KIF1B: variants seen among roughly 807,000 people sequenced by gnomAD.
The protein encoded by KIF1B is kinesin-like protein KIF1B.
Under a neutral mutation model 241.9 loss-of-function variants are expected in KIF1B, and 76 were observed. The ratio of observed to expected loss-of-function variants is 0.31; its 90% confidence interval spans 0.26 to 0.38. The LOEUF (loss-of-function observed/expected upper bound fraction) is 0.38, where lower values mean the gene tolerates loss of function less well. Ranked by LOEUF, KIF1B falls within the 10% of genes least tolerant of loss-of-function variation. The pLI is 1.00. For synonymous variants in KIF1B, 750 were observed against 796.7 expected (o/e 0.94, Z 0.99); for missense variants, 1,622 against 2,271.4 (o/e 0.71, Z 5.81).
At chr1:10,255,871 C>A (rs1647746290) in intron 2 of KIF1B, among the ~76,000 whole-genome samples, 1 of 152,072 alleles carries the variant, frequency 6.6e-6, no homozygotes, top group Non-Finnish European at 1.5e-5. Flanking sequence ...CTAACTACAT[C>A]CTCAAACCTC....
chr1:10,317,556 G>A (rs1459137281), intron 22 of KIF1B, among the ~76,000 whole-genome samples: 1 of 151,386 alleles, frequency 6.6e-6, no homozygotes, highest in Admixed American at 6.6e-5. Flanking sequence ...CTGAGGCCAG[G>A]CGCACTGGCT....
intron 22 of KIF1B, among the ~76,000 whole-genome samples, chr1:10,319,718 G>A (rs1364443053): frequency 6.6e-6 from 1 of 152,022 alleles, no homozygotes; most frequent in Admixed American, 6.6e-5. Context: ...TAACGCTTAA[G>A]GTATACACGT....
chr1:10,333,811 T>A (rs1319636188), intron 27 of KIF1B, among the ~76,000 whole-genome samples: 2 of 151,978 alleles, frequency 1.3e-5, no homozygotes, highest in Admixed American at 1.3e-4. Flanking sequence ...TTCTGTTTTA[T>A]CTATTGGGAA....
At chr1:10,298,832 T>C in intron 22 of KIF1B, 1 of 152,056 alleles carries the variant, frequency 6.6e-6, no homozygotes, top group East Asian at 1.9e-4. Flanking sequence ...TATGTATAAG[T>C]AAAATATGTA....
intron 5 of KIF1B, among the ~76,000 whole-genome samples, chr1:10,267,045 C>A (rs1648504157): frequency 1.3e-5 from 2 of 151,284 alleles, no homozygotes; most frequent in African/African-American, 4.9e-5. Flanking sequence ...TAAGACAGAG[C>A]CTCACTCTGT....
intron 41 of KIF1B, among the ~76,000 whole-genome samples, chr1:10,364,200 C>CTTTTTTTTCTTTTTTTTTTT (rs1449980463): frequency 8.8e-6 from 1 of 113,864 alleles, no homozygotes; most frequent in African/African-American, 3.4e-5. Flanking sequence ...GGGACAGGAT[C>CTTTTTTTTCTTTTTTTTTTT]TTTTTTTTTT....
At chr1:10,371,294 A>G (rs1216545522) in intron 45 of KIF1B, 32 bp downstream of exon 45, 11 of 1,613,140 alleles carry the variant, frequency 6.8e-6, no homozygotes, top group East Asian at 2.2e-5. Context: ...AGAGAAGTCA[A>G]TCTAAGAACC....
chr1:10,293,583 C>T (rs1286868016), intron 17 of KIF1B, among the ~76,000 whole-genome samples: 3 of 151,856 alleles, frequency 2.0e-5, no homozygotes, highest in East Asian at 1.9e-4. Flanking sequence ...TTAGTAGAGA[C>T]GGTTTCACCA....
In KIF1B at chr1:10,374,068, G is replaced by A. The variant is rs746858375; in HGVS notation, c.4947-248G>A. On this transcript the variant is annotated intron_variant, in intron 45 of 48. Coordinates refer to ENST00000676179, the MANE Select transcript of KIF1B (RefSeq NM_001365951.3). The surrounding 1 kb of genome is among the most constrained non-coding windows in gnomAD (Gnocchi z 4.3). The stretch of plus-strand genomic sequence containing the variant: ...CAGAGGGCTTTAATATAGGCAGAGA[G>A]ATTGTGTGACCCAGTGGCCATCAAT... Among the ~76,000 whole-genome samples, 2 of 152,238 alleles carry A rather than the reference G, an allele frequency of 1.3e-5. No individual in the cohort carries two copies. The highest frequency in any genetic ancestry group is 2.4e-5 in the African/African-American group (1 of 41,456).
At chr1:10,330,800 A>T (rs1355968637) in intron 27 of KIF1B, among the ~76,000 whole-genome samples, 16 of 152,258 alleles carry the variant, frequency 1.1e-4, no homozygotes, top group Admixed American at 1.0e-3. Context: ...TCCTGCCCTC[A>T]TAGACTTATA....
Position 10,365,284 on chromosome 1 carries a change from G to C in KIF1B, c.4512+39G>C, listed in dbSNP as rs777595181. On this transcript the variant is annotated intron_variant, in intron 42 of 48. Coordinates refer to ENST00000676179, the MANE Select transcript of KIF1B (RefSeq NM_001365951.3). This position sits in a 1 kb window ranked among gnomAD's most constrained non-coding sequence, Gnocchi z 4.0. ...GGGTTGTTCAGATGCAAGAACTCTC[G>C]GACAAGATTGCCAAAGTATCAGTCT... 1 of 1,613,176 alleles carries C rather than the reference G, an allele frequency of 6.2e-7. No individual in the cohort carries two copies. The highest frequency in any genetic ancestry group is 1.7e-4 in the Middle Eastern group (1 of 6,054).
intron 28 of KIF1B, among the ~76,000 whole-genome samples, chr1:10,336,001 C>T (rs1418570211): frequency 6.6e-6 from 1 of 152,210 alleles, no homozygotes; most frequent in Non-Finnish European, 1.5e-5. Flanking sequence ...ACTTGTGACA[C>T]AATCACCAGT....
chr1:10,360,501 A>G (rs1031724103), intron 38 of KIF1B, among the ~76,000 whole-genome samples: 1 of 152,070 alleles, frequency 6.6e-6, no homozygotes, highest in South Asian at 2.1e-4. Context: ...CCTGACCAAC[A>G]TGGTGAAACC....
Position 10,323,969 on chromosome 1 carries a change from A to C in KIF1B, c.2444A>C (p.His815Pro), listed in dbSNP as rs373206872. ...ELLPTEMEKTHEDRPFPRTVV... is the reference protein window; with the variant it reads ...ELLPTEMEKTPEDRPFPRTVV... ...CTTCCCACTGAGATGGAAAAAACTC[A>C]TGAGGACAGGCCTTTCCCTCGCACA... Residue 815 changes from histidine (H) to proline (P), a missense_variant, in exon 25 of 49, where the codon CAT becomes CCT. His to Pro is a moderately conservative substitution (Grantham distance 77, BLOSUM62 -2). This residue lies in a region of KIF1B where 803 missense variants were observed against 1,112.0 expected (regional missense o/e 0.72). Transcript: ENST00000676179. 13 of 1,614,088 alleles carry C rather than the reference A, an allele frequency of 8.1e-6. No homozygotes were observed. Among genetic ancestry groups the C allele is most frequent in the African/African-American group, 1.3e-5 (1 of 74,938 alleles).
chr1:10,225,077 A>G (rs1165412585), intron 1 of KIF1B, among the ~76,000 whole-genome samples: 1 of 152,116 alleles, frequency 6.6e-6, no homozygotes, highest in Non-Finnish European at 1.5e-5. Flanking sequence ...AGCTCAGGCA[A>G]TAATGCTCAC....
chr1:10,308,403 T>A (rs181701853), intron 22 of KIF1B: 18 of 1,047,542 alleles, frequency 1.7e-5, no homozygotes, highest in Non-Finnish European at 1.8e-5. Flanking sequence ...GTTGTCCCAT[T>A]ATTACTGTAA....
chr1:10,257,842 A>AT (rs1266654195), intron 3 of KIF1B, among the ~76,000 whole-genome samples: 1 of 151,892 alleles, frequency 6.6e-6, no homozygotes, highest in African/African-American at 2.4e-5. Context: ...CACCCGGCTG[A>AT]TTTTTTTAAT....
chr1:10,253,833 C>G (rs1306836355), intron 2 of KIF1B, among the ~76,000 whole-genome samples: 1 of 152,158 alleles, frequency 6.6e-6, no homozygotes, highest in Non-Finnish European at 1.5e-5. Flanking sequence ...TGATTATGTA[C>G]AGTGTGAGCT....
intron 2 of KIF1B, among the ~76,000 whole-genome samples, chr1:10,241,101 G>T (rs984917103): frequency 6.6e-6 from 1 of 151,998 alleles, no homozygotes; most frequent in African/African-American, 2.4e-5. Flanking sequence ...TATGTAAGTT[G>T]TTCTTGTGGT....
Sources: allele counts gnomAD v4.1 joint callset (sites outside exome capture counted in the v4.1 genomes callset), GRCh38; gene constraint gnomAD v4.1.1; regional missense constraint gnomAD v4.1.1; non-coding constraint Gnocchi (gnomAD v3.1); transcripts MANE v1.5; gene names NCBI Gene and HGNC (gene_info 2026-07-23, HGNC 2026-07-21).